PCDHGA1: variants seen among roughly 807,000 people sequenced by gnomAD.
PCDHGA1 encodes the protein protocadherin gamma-A1.
PCDHGA1 carries 32 observed loss-of-function variants against 58.0 expected under a neutral mutation model. That is an observed-to-expected ratio of 0.55 (90% CI 0.42 to 0.74). The LOEUF is 0.74. PCDHGA1 is among the 30% of genes least tolerant of loss of function. The pLI is 0.00. For synonymous variants in PCDHGA1, 498 were observed against 501.1 expected (o/e 0.99, Z 0.08); for missense variants, 1,205 against 1,182.3 (o/e 1.02, Z -0.28).
intron 1 of PCDHGA1, chr5:141,422,654 C>T: frequency 1.2e-6 from 2 of 1,610,030 alleles, no homozygotes; most frequent in Non-Finnish European, 1.7e-6. Flanking sequence ...TTCTCAGTGA[C>T]CGCCCTCGAC....
intron 1 of PCDHGA1, chr5:141,365,132 G>T: frequency 1.9e-6 from 3 of 1,613,884 alleles, no homozygotes; most frequent in Admixed American, 1.7e-5. Flanking sequence ...AACCGCCACG[G>T]ATCCAGATGA....
Position 141,487,125 on chromosome 5 carries a change from G to A in PCDHGA1, c.2422-7682G>A. 6.2e-7 allele frequency: 1 copy of A among 1,614,112 alleles called. No homozygotes were observed. The highest frequency in any genetic ancestry group is 8.5e-7 in the Non-Finnish European group (1 of 1,179,994). The stretch of plus-strand genomic sequence containing the variant: ...CTGGTCATTGTGGTAAAGGATAGTG[G>A]TAGTCCACCACTCTCTACCTCTGTT... On this transcript the variant is annotated intron_variant, in intron 1 of 3. Coordinates refer to ENST00000517417, the MANE Select transcript of PCDHGA1 (RefSeq NM_018912.3). This position sits in a 1 kb window ranked among gnomAD's most constrained non-coding sequence, Gnocchi z 5.0.
chr5:141,344,052 T>G, intron 1 of PCDHGA1: 1 of 1,556,868 alleles, frequency 6.4e-7, no homozygotes, highest in Non-Finnish European at 8.7e-7. Flanking sequence ...TTGCCTGAGT[T>G]TCCGAAATGG....
chr5:141,415,756 T>C, intron 1 of PCDHGA1: 2 of 1,387,344 alleles, frequency 1.4e-6, no homozygotes, highest in Non-Finnish European at 1.9e-6. Flanking sequence ...TTTTTTTTTT[T>C]TTTTTTTTTT....
At chr5:141,408,723 C>G (rs1365936782) in intron 1 of PCDHGA1, 3 of 1,611,058 alleles carry the variant, frequency 1.9e-6, no homozygotes, top group Non-Finnish European at 2.5e-6. Flanking sequence ...AAGATAAACT[C>G]TAATCCTTAT....
intron 1 of PCDHGA1, chr5:141,365,479 A>C: frequency 6.2e-7 from 1 of 1,614,024 alleles, no homozygotes; most frequent in African/African-American, 1.3e-5. Context: ...GTGAGATTGC[A>C]TGCTCTATTC....
intron 1 of PCDHGA1, chr5:141,361,050 T>A (rs370096238): frequency 1.9e-6 from 3 of 1,613,586 alleles, no homozygotes; most frequent in Non-Finnish European, 1.7e-6. Context: ...CGACAAAGGA[T>A]GATTTGGATT....
chr5:141,398,668 A>G, intron 1 of PCDHGA1: 1 of 1,614,026 alleles, frequency 6.2e-7, no homozygotes, highest in Non-Finnish European at 8.5e-7. Context: ...TTTCTCATTA[A>G]TAATTAAGGA....
At chr5:141,346,734 A>C (rs796474692) in intron 1 of PCDHGA1, among the ~76,000 whole-genome samples, 1 of 152,328 alleles carries the variant, frequency 6.6e-6, no homozygotes, top group African/African-American at 2.4e-5. Context: ...CAGATCTCTA[A>C]GTTACTATTT....
Position 141,431,142 on chromosome 5 carries a change from A to G in PCDHGA1, c.2422-63665A>G. ...GAAGTAGAAGTAAGGGACATTAACG[A>G]CAATGCGCCTTACTTTCGTGAAAGT... On this transcript the variant is annotated intron_variant, in intron 1 of 3. Coordinates refer to ENST00000517417, the MANE Select transcript of PCDHGA1 (RefSeq NM_018912.3). This position sits in a 1 kb window ranked among gnomAD's most constrained non-coding sequence, Gnocchi z 4.8. 1 of 1,614,240 alleles carries G rather than the reference A, an allele frequency of 6.2e-7. No individual in the cohort carries two copies. Among genetic ancestry groups the G allele is most frequent in the Non-Finnish European group, 8.5e-7 (1 of 1,180,024 alleles).
chr5:141,393,789 G>T (rs889575374), intron 1 of PCDHGA1: 1 of 1,613,958 alleles, frequency 6.2e-7, no homozygotes, highest in African/African-American at 1.3e-5. Context: ...AGATGTGGGG[G>T]CACTTCTGGG....
chr5:141,393,642 G>C, intron 1 of PCDHGA1: 1 of 1,613,940 alleles, frequency 6.2e-7, no homozygotes, highest in Non-Finnish European at 8.5e-7. Context: ...CAACGGAAAA[G>C]TGGCATACAA....
intron 1 of PCDHGA1, chr5:141,413,170 A>T (rs751830095): frequency 6.3e-7 from 1 of 1,595,602 alleles, no homozygotes; most frequent in South Asian, 1.1e-5. Context: ...CTGTAACCAG[A>T]CTACAATGGC....
In PCDHGA1 at chr5:141,432,751, G is replaced by A; in HGVS notation, c.2422-62056G>A. The A allele has an allele frequency of 6.2e-7, 1 of 1,614,130 alleles. No homozygotes were observed. Among genetic ancestry groups the A allele is most frequent in the Non-Finnish European group, 8.5e-7 (1 of 1,179,982 alleles). Reference sequence around the variant, plus strand: ...CCACTGTCACGCTCACCGTGGCCGTGGCCGACAGCATCCCCCAAGTCCTGG... The same window carrying A: ...CCACTGTCACGCTCACCGTGGCCGTAGCCGACAGCATCCCCCAAGTCCTGG... On this transcript the variant is annotated intron_variant, in intron 1 of 3. Transcript: ENST00000517417. This position sits in a 1 kb window ranked among gnomAD's most constrained non-coding sequence, Gnocchi z 6.0.
chr5:141,385,238 T>C (rs756116390), intron 1 of PCDHGA1: 1 of 1,614,074 alleles, frequency 6.2e-7, no homozygotes, highest in Non-Finnish European at 8.5e-7. Context: ...GACATGCTCA[T>C]CAGCCAGGAG....
intron 1 of PCDHGA1, chr5:141,423,156 C>T (rs62378456): frequency 0.034 from 55,171 of 1,613,388 alleles, 1,070 homozygotes; most frequent in Middle Eastern, 0.098. Context: ...AGCAGAGCCT[C>T]GTGGTGGCCG....
intron 1 of PCDHGA1, chr5:141,395,358 G>A: frequency 1.5e-6 from 2 of 1,346,158 alleles, no homozygotes; most frequent in Non-Finnish European, 9.9e-7. Context: ...ACAGAGTTTT[G>A]GGTTTATTTT....
chr5:141,474,628 A>C (rs1169097645), intron 1 of PCDHGA1, among the ~76,000 whole-genome samples: 1 of 152,234 alleles, frequency 6.6e-6, no homozygotes, highest in Non-Finnish European at 1.5e-5. Flanking sequence ...TCTCTTCCGG[A>C]AATATCCTAT....
At chr5:141,417,932 T>A (rs1398348549) in intron 1 of PCDHGA1, 2 of 1,611,670 alleles carry the variant, frequency 1.2e-6, no homozygotes, top group East Asian at 4.5e-5. Flanking sequence ...GCTGCCTTTG[T>A]TCTACCCCAC....
Sources: allele counts gnomAD v4.1 joint callset (sites outside exome capture counted in the v4.1 genomes callset), GRCh38; gene constraint gnomAD v4.1.1; non-coding constraint Gnocchi (gnomAD v3.1); transcripts MANE v1.5; gene names NCBI Gene and HGNC (gene_info 2026-07-23, HGNC 2026-07-21).